The following NRXN1 variants were observed in gnomAD, a reference collection of about 807,000 sequenced individuals.
The protein encoded by NRXN1 is neurexin-1.
A neutral mutation model predicts 150.9 loss-of-function variants in NRXN1; 39 were observed. The ratio of observed to expected loss-of-function variants is 0.26; its 90% CI spans 0.20 to 0.34. The LOEUF is 0.34. Ranked by LOEUF, NRXN1 falls within the 10% of genes least tolerant of loss-of-function variation. The probability of loss-of-function intolerance (pLI) is 1.00; values close to 1 mark genes in which losing one functional copy is unlikely to be tolerated. For synonymous variants in NRXN1, 924 were observed against 757.0 expected (o/e 1.22, Z -3.62); for missense variants, 1,815 against 1,949.9 (o/e 0.93, Z 1.30).
At chr2:50,792,208 T>C (rs942668870) in intron 5 of NRXN1, among the ~76,000 whole-genome samples, 2 of 152,116 alleles carry the variant, frequency 1.3e-5, no homozygotes, top group Non-Finnish European at 2.9e-5. Flanking sequence ...AACTACAGTT[T>C]AGAAGGAAAG....
chr2:50,280,053 T>C (rs922034821), intron 17 of NRXN1, among the ~76,000 whole-genome samples: 3 of 151,580 alleles, frequency 2.0e-5, no homozygotes, highest in Admixed American at 6.6e-5. Context: ...TCGAGGCGGG[T>C]GGATCACGAG....
intron 2 of NRXN1, among the ~76,000 whole-genome samples, chr2:50,948,255 G>A (rs1025814311): frequency 2.0e-5 from 3 of 151,734 alleles, no homozygotes; most frequent in African/African-American, 2.4e-5. Context: ...ATCATCAAAC[G>A]TCCATTATAT....
chr2:50,708,003 C>T (rs1694671755), intron 5 of NRXN1, among the ~76,000 whole-genome samples: 1 of 152,046 alleles, frequency 6.6e-6, no homozygotes, highest in Non-Finnish European at 1.5e-5. Flanking sequence ...CATTTTGTTT[C>T]TTATAAAGAT....
intron 13 of NRXN1, among the ~76,000 whole-genome samples, chr2:50,501,400 A>AGAGT (rs1553706190): frequency 2.0e-5 from 3 of 148,180 alleles, no homozygotes; most frequent in Non-Finnish European, 4.5e-5. Context: ...TGTGTGTGTG[A>AGAGT]GTGTGTGTGT....
chr2:50,715,850 C>A (rs1695806077), intron 5 of NRXN1, among the ~76,000 whole-genome samples: 1 of 152,150 alleles, frequency 6.6e-6, no homozygotes, highest in Non-Finnish European at 1.5e-5. Context: ...CTTTTCTAAT[C>A]CTTTTGTTGC....
chr2:50,861,510 C>T (rs1019059865), intron 5 of NRXN1, among the ~76,000 whole-genome samples: 38 of 152,076 alleles, frequency 2.5e-4, no homozygotes, highest in African/African-American at 9.2e-4. Flanking sequence ...TATACTGATT[C>T]GTATAACCAC....
intron 5 of NRXN1, among the ~76,000 whole-genome samples, chr2:50,880,992 G>C (rs1043178718): frequency 2.0e-5 from 3 of 151,920 alleles, no homozygotes; most frequent in Non-Finnish European, 2.9e-5. Context: ...GAAGTCAAGA[G>C]ATATAGACCA....
At chr2:50,645,217 T>C (rs890141457) in intron 5 of NRXN1, among the ~76,000 whole-genome samples, 1 of 152,080 alleles carries the variant, frequency 6.6e-6, no homozygotes, top group Non-Finnish European at 1.5e-5. Flanking sequence ...GATTTTGATG[T>C]TGAAAATCAT....
chr2:50,129,642 G>A (rs1705170252), intron 18 of NRXN1, among the ~76,000 whole-genome samples: 1 of 152,102 alleles, frequency 6.6e-6, no homozygotes, highest in East Asian at 1.9e-4. Context: ...GCTATGAAAT[G>A]GAATTTGGAA....
intron 5 of NRXN1, among the ~76,000 whole-genome samples, chr2:50,661,025 C>T (rs1004525293): frequency 1.3e-5 from 2 of 152,018 alleles, no homozygotes; most frequent in Admixed American, 6.6e-5. Flanking sequence ...CTTTCATTCT[C>T]ATCTAGGTTC....
At chr2:50,693,536 G>A (rs1692366261) in intron 5 of NRXN1, among the ~76,000 whole-genome samples, 1 of 152,086 alleles carries the variant, frequency 6.6e-6, no homozygotes, top group South Asian at 2.1e-4. Flanking sequence ...AACAAAATGT[G>A]AGACCACAAA....
chr2:50,484,236 C>G (rs946893413), intron 15 of NRXN1, among the ~76,000 whole-genome samples: 2 of 152,148 alleles, frequency 1.3e-5, no homozygotes, highest in African/African-American at 4.8e-5. Flanking sequence ...AAATCACACT[C>G]TTGTTTTTCC....
chr2:50,808,923 C>A (rs748660237), intron 5 of NRXN1, among the ~76,000 whole-genome samples: 1 of 152,056 alleles, frequency 6.6e-6, no homozygotes, highest in Non-Finnish European at 1.5e-5. Context: ...ATCATACCAT[C>A]CTGACTCATA....
chr2:50,205,819 G>A (rs932192006), intron 18 of NRXN1, among the ~76,000 whole-genome samples: 1 of 152,048 alleles, frequency 6.6e-6, no homozygotes, highest in African/African-American at 2.4e-5. Flanking sequence ...GATGAACCTT[G>A]AAAACACTAT....
At chr2:50,289,135 G>T (rs1310764894) in intron 17 of NRXN1, among the ~76,000 whole-genome samples, 2 of 152,086 alleles carry the variant, frequency 1.3e-5, no homozygotes, top group Non-Finnish European at 2.9e-5. Context: ...TGACTTAGAG[G>T]AGAATGAATA....
chr2:50,233,722 A>G (rs2065171439), intron 18 of NRXN1, among the ~76,000 whole-genome samples: 3 of 152,126 alleles, frequency 2.0e-5, no homozygotes, highest in Admixed American at 1.3e-4. Context: ...TATCATTGAT[A>G]GCATAGCACC....
intron 18 of NRXN1, among the ~76,000 whole-genome samples, chr2:50,186,799 T>C (rs2061102828): frequency 1.3e-5 from 2 of 152,092 alleles, no homozygotes; most frequent in Admixed American, 1.3e-4. Context: ...TCTCTTAACA[T>C]GTAGTTTTTA....
chr2:50,371,352 C>G (rs2080013091), intron 17 of NRXN1, among the ~76,000 whole-genome samples: 1 of 152,006 alleles, frequency 6.6e-6, no homozygotes, highest in Non-Finnish European at 1.5e-5. Flanking sequence ...CTTTAGGCTT[C>G]AATACTATCA....
chr2:50,238,007 T>A (rs2065634816), intron 17 of NRXN1, among the ~76,000 whole-genome samples: 1 of 152,054 alleles, frequency 6.6e-6, no homozygotes, highest in Non-Finnish European at 1.5e-5. Context: ...AGAAGGTGCC[T>A]GCTTCCCCTT....
Sources: allele counts gnomAD v4.1 joint callset (sites outside exome capture counted in the v4.1 genomes callset), GRCh38; gene constraint gnomAD v4.1.1; transcripts MANE v1.5; gene names NCBI Gene and HGNC (gene_info 2026-07-23, HGNC 2026-07-21).